The following XRCC4 variants were observed in gnomAD, a reference collection of about 807,000 sequenced individuals.
XRCC4 encodes X-ray repair cross complementing 4, also known as DNA repair protein XRCC4.
In XRCC4, 28 loss-of-function variants were observed where a neutral mutation model predicts 39.1. The ratio of observed to expected loss-of-function variants is 0.72; its 90% CI spans 0.53 to 0.98. The LOEUF (loss-of-function observed/expected upper bound fraction) is 0.98. XRCC4 is among the 50% of genes least tolerant of loss of function. The pLI is 0.00. For missense variants in XRCC4, 350 were observed against 376.4 expected, an observed-to-expected ratio of 0.93 and a Z score of 0.58; for synonymous variants, 123 against 126.4, an observed-to-expected ratio of 0.97 and a Z score of 0.18.
intron 7 of XRCC4, among the ~76,000 whole-genome samples, chr5:83,300,550 G>GTGTA (rs1429135364): frequency 1.8e-4 from 17 of 94,932 alleles, no homozygotes; most frequent in Non-Finnish European, 2.8e-4. Flanking sequence ...TTTTGTTTGT[G>GTGTA]TGTGTGTGTG....
chr5:83,083,479 C>CA (rs1745049674), intron 1 of XRCC4, among the ~76,000 whole-genome samples: 1 of 151,134 alleles, frequency 6.6e-6, no homozygotes. Context: ...TGGGTTCCAG[C>CA]AATTCTCTCT....
chr5:83,298,251 A>G (rs1250837447), intron 7 of XRCC4, among the ~76,000 whole-genome samples: 1 of 151,868 alleles, frequency 6.6e-6, no homozygotes, highest in African/African-American at 2.4e-5. Flanking sequence ...ACTGTCTACA[A>G]TTGGGTGGAG....
At chr5:83,356,331 C>T (rs995983174), downstream of XRCC4, among the ~76,000 whole-genome samples, 13 of 152,082 alleles carry the variant, frequency 8.5e-5, no homozygotes, top group Non-Finnish European at 1.2e-4. Context: ...ATGTGTCTAT[C>T]TATCTATCTA....
chr5:83,252,724 C>T (rs1336678289), intron 6 of XRCC4, among the ~76,000 whole-genome samples: 1 of 151,462 alleles, frequency 6.6e-6, no homozygotes, highest in Admixed American at 6.6e-5. Flanking sequence ...TGTAATATAC[C>T]CAAGGTAAAT....
intron 6 of XRCC4, among the ~76,000 whole-genome samples, chr5:83,228,354 T>TAAGGCATC (rs1752369841): frequency 8.5e-5 from 13 of 152,118 alleles, no homozygotes; most frequent in Middle Eastern, 3.4e-3. Context: ...AGATTATGAA[T>TAAGGCATC]TACTTGCAGG....
intron 7 of XRCC4, among the ~76,000 whole-genome samples, chr5:83,288,918 A>G (rs1754824294): frequency 6.6e-6 from 1 of 151,484 alleles, no homozygotes; most frequent in Non-Finnish European, 1.5e-5. Context: ...TTATATATAT[A>G]CCTTTTGAAA....
At chr5:83,194,083 C>T (rs1033375741) in intron 3 of XRCC4, among the ~76,000 whole-genome samples, 10 of 152,116 alleles carry the variant, frequency 6.6e-5, no homozygotes, top group South Asian at 6.2e-4. Flanking sequence ...TAAGCGTGCA[C>T]CACCATGTCT....
intron 7 of XRCC4, among the ~76,000 whole-genome samples, chr5:83,308,435 C>A (rs1258392736): frequency 1.3e-5 from 2 of 152,062 alleles, no homozygotes; most frequent in African/African-American, 4.8e-5. Context: ...CACTTTTAAC[C>A]ATTTATATTT....
At chr5:83,364,302 T>C in the XRCC4 span, among the ~76,000 whole-genome samples, 1 of 152,132 alleles carries the variant, frequency 6.6e-6, no homozygotes, top group South Asian at 2.1e-4. Context: ...TCTAATAGAC[T>C]CTGGAGAAAT....
At chr5:83,241,447 TAAATA>T (rs776101960) in intron 6 of XRCC4, among the ~76,000 whole-genome samples, 5 of 152,194 alleles carry the variant, frequency 3.3e-5, no homozygotes, top group Non-Finnish European at 5.9e-5. Context: ...TTAATTCTGT[TAAATA>T]AAATAGTACT....
In XRCC4 at chr5:83,195,773, A is replaced by C. The variant is rs779089743; in HGVS notation, c.319A>C (p.Arg107=). The C allele has an allele frequency of 2.3e-5, 36 of 1,572,594 alleles. No individual in the cohort carries two copies. In the Admixed American group the frequency reaches 6.4e-4, roughly 28 times the overall value. ...CCATGTTTTTCTTTCATTTTAGTTC[A>C]GACTTGGTTCCTTCAACCTAGAGAA... ...FEKNLKDVSF[R]LGSFNLEKVE... The change falls in exon 4 of 8, where the codon AGA becomes CGA. Residue 107 remains arginine (R), a synonymous_variant. Transcript: ENST00000396027.
intron 6 of XRCC4, among the ~76,000 whole-genome samples, chr5:83,247,134 A>T (rs183881492): frequency 5.9e-5 from 9 of 152,330 alleles, no homozygotes; most frequent in South Asian, 4.1e-4. Context: ...GTTTTAATCA[A>T]ACCTGATAGA....
chr5:83,221,611 T>C (rs547815505), intron 6 of XRCC4, among the ~76,000 whole-genome samples: 12 of 152,104 alleles, frequency 7.9e-5, no homozygotes, highest in Non-Finnish European at 1.3e-4. Flanking sequence ...ATTATTTCTT[T>C]CTCATCTTAA....
chr5:83,188,888 G>C (rs1224743825), intron 3 of XRCC4, among the ~76,000 whole-genome samples: 2 of 152,158 alleles, frequency 1.3e-5, no homozygotes. Context: ...ATACTGAAAA[G>C]ATATGCCTAG....
At chr5:83,169,266 T>C (rs1160751004) in intron 3 of XRCC4, among the ~76,000 whole-genome samples, 1 of 152,228 alleles carries the variant, frequency 6.6e-6, no homozygotes, top group Non-Finnish European at 1.5e-5. Context: ...TTTGAAATTA[T>C]AGATTCTTTT....
At chr5:83,329,978 A>C (rs1189024458) in intron 7 of XRCC4, among the ~76,000 whole-genome samples, 2 of 152,104 alleles carry the variant, frequency 1.3e-5, no homozygotes, top group African/African-American at 4.8e-5. Flanking sequence ...ATTGTGCTTA[A>C]GTAGGAGAAT....
chr5:83,126,522 G>T (rs1314017208), intron 3 of XRCC4, among the ~76,000 whole-genome samples: 3 of 152,250 alleles, frequency 2.0e-5, no homozygotes, highest in Middle Eastern at 3.4e-3. Flanking sequence ...GAGCTTCAAG[G>T]CCCAGGCAGA....
intron 3 of XRCC4, among the ~76,000 whole-genome samples, chr5:83,128,275 C>T (rs1025222526): frequency 3.9e-5 from 6 of 152,244 alleles, no homozygotes; most frequent in African/African-American, 1.4e-4. Flanking sequence ...TTTCCAGCTT[C>T]ATCCATGTCC....
At chr5:83,143,778 A>G (rs936394236) in intron 3 of XRCC4, among the ~76,000 whole-genome samples, 21 of 151,000 alleles carry the variant, frequency 1.4e-4, no homozygotes, top group Non-Finnish European at 2.7e-4. Flanking sequence ...TTTTTTTCTG[A>G]TAAGTTAGCA....
Sources: gnomAD v4.1 joint callset for allele counts (sites outside exome capture counted in the v4.1 genomes callset) on GRCh38, gnomAD v4.1.1 for gene constraint, MANE v1.5 for transcripts, NCBI Gene and HGNC (gene_info 2026-07-23, HGNC 2026-07-21) for gene names.